MPDZ: variants seen among roughly 807,000 people sequenced by gnomAD.
MPDZ encodes multiple PDZ domain crumbs cell polarity complex component.
MPDZ carries 234 observed loss-of-function variants against 239.1 expected under a neutral mutation model. The ratio of observed to expected loss-of-function variants is 0.98; its 90% CI spans 0.88 to 1.09. The LOEUF is 1.09. Among genes scored for constraint, MPDZ ranks in the 50% least tolerant of loss-of-function variants. The probability of loss-of-function intolerance (pLI) is 0.00; values close to 1 mark genes in which losing one functional copy is unlikely to be tolerated. For missense variants in MPDZ, 3,175 were observed against 2,510.0 expected (o/e 1.26, Z -5.66); for synonymous variants, 1,048 against 881.3 (o/e 1.19, Z -3.35).
intron 35 of MPDZ, 99 bp downstream of exon 35, chr9:13,125,117 C>CA: frequency 1.7e-6 from 2 of 1,154,824 alleles, no homozygotes; most frequent in Non-Finnish European, 2.4e-6. Context: ...ACCTTCCAAA[C>CA]AGTGAGCCAC....
At chr9:13,277,928 A>G (rs1490437515) in intron 1 of MPDZ, among the ~76,000 whole-genome samples, 1 of 152,210 alleles carries the variant, frequency 6.6e-6, no homozygotes, top group Non-Finnish European at 1.5e-5. Flanking sequence ...TAAGGCATAC[A>G]TTATACAAAT....
rs141705780 is a variant in MPDZ at position 13,208,525 on chromosome 9, T to C, written c.1291-2426A>G. ...GGAGTACCCTTACTGCAAAGGTTTCTGAAAGAATATAATAAAACCTCTAAA... is the reference window on the plus strand; with the variant it reads ...GGAGTACCCTTACTGCAAAGGTTTCCGAAAGAATATAATAAAACCTCTAAA... On this transcript the variant is annotated intron_variant, in intron 10 of 46. Coordinates refer to ENST00000319217, the MANE Select transcript of MPDZ (RefSeq NM_001378778.1). 4.8e-3 allele frequency among the ~76,000 whole-genome samples: 734 copies of C among 151,854 alleles called. 18 individuals carry two copies. Among genetic ancestry groups the C allele is most frequent in the Admixed American group, 0.042 (643 of 15,260 alleles).
intron 12 of MPDZ, 90 bp from the exon 13 acceptor site, chr9:13,196,320 CG>C: frequency 2.5e-6 from 2 of 804,460 alleles, no homozygotes; most frequent in Non-Finnish European, 4.0e-6. Context: ...GATCAGAACC[CG>C]CTGTATCACG....
chr9:13,231,393 C>T (rs2136761052), intron 3 of MPDZ, among the ~76,000 whole-genome samples: 2 of 152,006 alleles, frequency 1.3e-5, no homozygotes, highest in Middle Eastern at 3.4e-3. Flanking sequence ...TGGCAAAAAC[C>T]CATCTCTAAT....
intron 46 of MPDZ, 51 bp from the exon 47 acceptor site, chr9:13,107,162 AACTCACAAC>A: frequency 6.6e-7 from 1 of 1,510,386 alleles, no homozygotes; most frequent in Non-Finnish European, 9.0e-7. Context: ...GCTGCCTTGC[AACTCACAAC>A]AGAAAAAGAT....
intron 44 of MPDZ, 50 bp from the exon 45 acceptor site, chr9:13,110,114 G>A: frequency 7.3e-7 from 1 of 1,363,520 alleles, no homozygotes; most frequent in Non-Finnish European, 1.0e-6. Context: ...CCTGTGGCTA[G>A]GGAAAGTAAT....
chr9:13,148,462 C>A (rs1292856081), intron 25 of MPDZ, among the ~76,000 whole-genome samples: 1 of 151,958 alleles, frequency 6.6e-6, no homozygotes, highest in Non-Finnish European at 1.5e-5. Context: ...GTGGACACAA[C>A]TCTAGAAAAG....
In MPDZ at chr9:13,126,742, C is replaced by T. The variant is rs1204108685; in HGVS notation, c.4495G>A (p.Glu1499Lys). The part of the protein sequence containing the change: ...DQGGLGIAIS[E>K]EDTLSGVIIK... ...ATGACTCCACTGAGTGTATCTTCTTCGCTGATAGCAATACCCAAACCCCCC... is the reference window on the plus strand; with the variant it reads ...ATGACTCCACTGAGTGTATCTTCTTTGCTGATAGCAATACCCAAACCCCCC... Residue 1499 changes from glutamate to lysine, a missense_variant, in exon 33 of 47, where the codon GAA becomes AAA. Transcript: ENST00000319217. 3 of 1,613,870 alleles carry T rather than the reference C, an allele frequency of 1.9e-6. No homozygotes were observed. Among genetic ancestry groups the T allele is most frequent in the Non-Finnish European group, 2.5e-6 (3 of 1,179,826 alleles).
Position 13,147,669 on chromosome 9 carries a change from A to G in MPDZ, c.3631-11T>C, listed in dbSNP as rs1161811818. ...GTCCATTCCATCCACCTGCAATGGA[A>G]GGCCTCAGCTTAACATTTCAAGAAT... On this transcript the variant is annotated splice_polypyrimidine_tract_variant and intron_variant, in intron 25 of 46. Coordinates refer to ENST00000319217, the MANE Select transcript of MPDZ (RefSeq NM_001378778.1). 10 of 1,592,830 alleles carry G rather than the reference A, an allele frequency of 6.3e-6. No homozygotes were observed. In the South Asian group the frequency reaches 6.6e-5, roughly 11 times the overall value.
At chr9:13,148,479 A>T (rs1440013821) in intron 25 of MPDZ, among the ~76,000 whole-genome samples, 1 of 152,066 alleles carries the variant, frequency 6.6e-6, no homozygotes, top group African/African-American at 2.4e-5. Context: ...AAAGAACATT[A>T]TTAGATCTTT....
chr9:13,270,087 G>C (rs1234899894), intron 1 of MPDZ, among the ~76,000 whole-genome samples: 1 of 152,144 alleles, frequency 6.6e-6, no homozygotes, highest in Non-Finnish European at 1.5e-5. Context: ...TTCTTTCAAT[G>C]AACGTGACTA....
intron 8 of MPDZ, 97 bp downstream of exon 8, chr9:13,219,462 T>C (rs1412691317): frequency 1.8e-5 from 19 of 1,063,324 alleles, no homozygotes; most frequent in East Asian, 2.6e-5. Flanking sequence ...AGCACTAATA[T>C]AGGAACATTA....
At chr9:13,275,928 T>C (rs1189266823) in intron 1 of MPDZ, among the ~76,000 whole-genome samples, 1 of 152,104 alleles carries the variant, frequency 6.6e-6, no homozygotes, top group Admixed American at 6.5e-5. Context: ...CTACTTCATA[T>C]CAAAAAAACT....
intron 8 of MPDZ, 71 bp from the exon 9 acceptor site, chr9:13,217,365 A>C: frequency 1.0e-6 from 1 of 981,890 alleles, no homozygotes; most frequent in Admixed American, 2.8e-5. Flanking sequence ...ACAAACAAAC[A>C]AACAAAAAAA....
intron 22 of MPDZ, among the ~76,000 whole-genome samples, chr9:13,166,156 A>G (rs1951050896): frequency 6.6e-6 from 1 of 152,222 alleles, no homozygotes; most frequent in African/African-American, 2.4e-5. Flanking sequence ...TGGAGCCTAG[A>G]TCCAGGTAAT....
At chr9:13,217,461 G>A (rs1425014760) in intron 8 of MPDZ, among the ~76,000 whole-genome samples, 167 bp from the exon 9 acceptor site, 1 of 151,848 alleles carries the variant, frequency 6.6e-6, no homozygotes, top group Non-Finnish European at 1.5e-5. Context: ...TGAAAACAGG[G>A]ATAGGCATCA....
At chr9:13,244,478 C>T (rs1966131527) in intron 3 of MPDZ, among the ~76,000 whole-genome samples, 1 of 152,024 alleles carries the variant, frequency 6.6e-6, no homozygotes, top group South Asian at 2.1e-4. Flanking sequence ...GGAAATGAAC[C>T]AGAGCTATTA....
At chr9:13,241,493 T>C (rs1965395972) in intron 3 of MPDZ, among the ~76,000 whole-genome samples, 1 of 152,176 alleles carries the variant, frequency 6.6e-6, no homozygotes, top group African/African-American at 2.4e-5. Context: ...GGAAAGACAG[T>C]AGTCATCTCC....
At chr9:13,229,713 T>C (rs1036822243) in intron 3 of MPDZ, among the ~76,000 whole-genome samples, 6 of 151,928 alleles carry the variant, frequency 3.9e-5, no homozygotes, top group Non-Finnish European at 7.4e-5. Flanking sequence ...ATGCAGAAAG[T>C]ATTATAGTAC....
Sources: gnomAD v4.1 joint callset for allele counts (sites outside exome capture counted in the v4.1 genomes callset) on GRCh38, gnomAD v4.1.1 for gene constraint, MANE v1.5 for transcripts, NCBI Gene and HGNC (gene_info 2026-07-23, HGNC 2026-07-21) for gene names.